The following VWA3B variants were observed in gnomAD, a reference collection of about 807,000 sequenced individuals.
VWA3B encodes von Willebrand factor A domain-containing protein 3B.
Under a neutral mutation model 158.3 loss-of-function variants are expected in VWA3B, and 138 were observed. That is an observed-to-expected ratio of 0.87 (90% CI 0.76 to 1.00). VWA3B has a LOEUF of 1.00. VWA3B is among the 50% of genes least tolerant of loss of function. The probability of loss-of-function intolerance (pLI) is 0.00; values close to 1 mark genes in which losing one functional copy is unlikely to be tolerated. For synonymous variants in VWA3B, 596 were observed against 587.3 expected, an observed-to-expected ratio of 1.01 and a Z score of -0.21; for missense variants, 1,555 against 1,565.1, an observed-to-expected ratio of 0.99 and a Z score of 0.11.
At chr2:98,093,320 C>A in intron 2 of VWA3B, 32 bp downstream of exon 2, 1 of 1,604,726 alleles carries the variant, frequency 6.2e-7, no homozygotes, top group South Asian at 1.1e-5. Context: ...AGCATGCTGC[C>A]ATTTAGCCTT....
intron 12 of VWA3B, 73 bp downstream of exon 12, chr2:98,194,565 A>T (rs1681880537): frequency 6.5e-7 from 1 of 1,549,498 alleles, no homozygotes; most frequent in African/African-American, 1.4e-5. Context: ...TTCACAGGAC[A>T]GACATTCCTG....
At chr2:98,247,227 A>G (rs1463062281) in intron 19 of VWA3B, among the ~76,000 whole-genome samples, 1 of 151,764 alleles carries the variant, frequency 6.6e-6, no homozygotes, top group Non-Finnish European at 1.5e-5. Flanking sequence ...TGATCTCCTG[A>G]CCTCAAGTGA....
At chr2:98,257,165 C>CTTTTTTT (rs1553430044) in intron 21 of VWA3B, among the ~76,000 whole-genome samples, 2 of 151,848 alleles carry the variant, frequency 1.3e-5, no homozygotes, top group Non-Finnish European at 2.9e-5. Flanking sequence ...ATAAGATCAA[C>CTTTTTTT]TTTTTTTTGT....
chr2:98,158,671 G>A (rs139209836), intron 7 of VWA3B, among the ~76,000 whole-genome samples: 1,829 of 150,040 alleles, frequency 0.012, 15 homozygotes, highest in Non-Finnish European at 0.019. Context: ...TCATTCCACG[G>A]GACTGAGAAG....
chr2:98,094,607 G>A (rs1019961768), intron 2 of VWA3B, among the ~76,000 whole-genome samples: 1 of 151,544 alleles, frequency 6.6e-6, no homozygotes, highest in African/African-American at 2.4e-5. Context: ...TTCCTTTTCT[G>A]TAGAGAAACT....
intron 25 of VWA3B, among the ~76,000 whole-genome samples, chr2:98,302,922 C>T (rs1690285114): frequency 6.6e-6 from 1 of 152,198 alleles, no homozygotes. Context: ...TCCAACCCAA[C>T]AGGGCAAGCG....
chr2:98,114,580 G>A (rs536042039), intron 2 of VWA3B, among the ~76,000 whole-genome samples: 4 of 152,290 alleles, frequency 2.6e-5, no homozygotes, highest in Admixed American at 2.6e-4. Context: ...GTAAGGCAGA[G>A]GGAAGGAAGT....
chr2:98,167,261 A>C (rs1448009287), intron 8 of VWA3B, among the ~76,000 whole-genome samples: 2 of 152,096 alleles, frequency 1.3e-5, no homozygotes, highest in African/African-American at 4.8e-5. Flanking sequence ...ATGTCTCATG[A>C]GTCTGGTGCC....
At chr2:98,131,209 G>A (rs560762458) in intron 6 of VWA3B, among the ~76,000 whole-genome samples, 13 of 152,274 alleles carry the variant, frequency 8.5e-5, no homozygotes, top group Non-Finnish European at 1.8e-4. Flanking sequence ...TGCGATATTT[G>A]GCTTTTTATA....
downstream of VWA3B, chr2:98,313,422 C>T (rs191768954): frequency 6.6e-5 from 10 of 152,332 alleles, no homozygotes; most frequent in East Asian, 1.9e-3. Context: ...CCTCCCAGAA[C>T]TCAGACGTTT....
chr2:98,286,698 G>A (rs1041314931), intron 22 of VWA3B, among the ~76,000 whole-genome samples: 2 of 152,012 alleles, frequency 1.3e-5, no homozygotes, highest in Admixed American at 1.3e-4. Flanking sequence ...TATGGATTTT[G>A]TGTCTACATT....
At chr2:98,153,093 C>G (rs540301982) in intron 7 of VWA3B, among the ~76,000 whole-genome samples, 1 of 152,270 alleles carries the variant, frequency 6.6e-6, no homozygotes, top group African/African-American at 2.4e-5. Flanking sequence ...TCATTGCTCT[C>G]GTCTCTAGCC....
intron 20 of VWA3B, among the ~76,000 whole-genome samples, chr2:98,253,409 G>A (rs2105812453): frequency 6.6e-6 from 1 of 152,276 alleles, no homozygotes; most frequent in East Asian, 1.9e-4. Context: ...TAGTGCCCAT[G>A]CATGGGAGTC....
intron 22 of VWA3B, among the ~76,000 whole-genome samples, chr2:98,279,285 G>T (rs965053951): frequency 1.4e-4 from 22 of 152,212 alleles, no homozygotes; most frequent in Non-Finnish European, 8.8e-5. Flanking sequence ...GAAGGTGGGT[G>T]TCAACTCTGG....
chr2:98,154,822 G>A (rs1677923178), intron 7 of VWA3B, among the ~76,000 whole-genome samples: 1 of 152,204 alleles, frequency 6.6e-6, no homozygotes, highest in Non-Finnish European at 1.5e-5. Context: ...TGATTTTAGG[G>A]TGATGGCTCT....
At position 98,106,424 on chromosome 2, in the gene VWA3B, A is replaced by C. The variant is rs552855487; in HGVS notation, c.197-9228A>C. Among the ~76,000 whole-genome samples, 4 of 152,258 alleles carry C rather than the reference A, an allele frequency of 2.6e-5. 1 individual carries two copies. Among genetic ancestry groups the C allele is most frequent in the African/African-American group, 9.6e-5 (4 of 41,546 alleles). ...TCATGTCTACAAAAATATTGCTATA[A>C]TATTGATAGGAGTTGCATTAAACCT... On this transcript the variant is annotated intron_variant, in intron 2 of 27. Coordinates refer to ENST00000477737, the MANE Select transcript of VWA3B (RefSeq NM_144992.5).
intron 7 of VWA3B, among the ~76,000 whole-genome samples, chr2:98,147,791 G>A (rs1385011378): frequency 1.3e-5 from 2 of 151,800 alleles, no homozygotes; most frequent in African/African-American, 4.8e-5. Flanking sequence ...ATGTTGGTGT[G>A]CTGCACCCAT....
chr2:98,310,000 C>A (rs746433567), intron 26 of VWA3B, among the ~76,000 whole-genome samples: 5 of 152,158 alleles, frequency 3.3e-5, no homozygotes. Context: ...GGACATGGGA[C>A]AAGGGGACAC....
chr2:98,187,384 C>T (rs1333357311), intron 9 of VWA3B, among the ~76,000 whole-genome samples: 5 of 151,840 alleles, frequency 3.3e-5, no homozygotes, highest in Non-Finnish European at 2.9e-5. Context: ...TGCCTGTGGG[C>T]CAAGTCATGG....
Sources: gnomAD v4.1 joint callset for allele counts (sites outside exome capture counted in the v4.1 genomes callset) on GRCh38, gnomAD v4.1.1 for gene constraint, MANE v1.5 for transcripts, NCBI Gene and HGNC (gene_info 2026-07-23, HGNC 2026-07-21) for gene names.